The following SLC24A2 variants were observed in gnomAD, a reference collection of about 807,000 sequenced individuals.
The protein encoded by SLC24A2 is sodium/potassium/calcium exchanger 2.
A neutral mutation model predicts 62.0 loss-of-function variants in SLC24A2; 36 were observed. That is an observed-to-expected ratio of 0.58 (90% CI 0.44 to 0.77). The LOEUF is 0.77. SLC24A2 is among the 30% of genes least tolerant of loss of function. The pLI, the probability that SLC24A2 is intolerant of heterozygous loss-of-function variation, is 0.00. For synonymous variants in SLC24A2, 358 were observed against 294.0 expected (o/e 1.22, Z -2.23); for missense variants, 846 against 817.9 (o/e 1.03, Z -0.42).
the SLC24A2 span, among the ~76,000 whole-genome samples, chr9:20,135,307 A>T: frequency 2.1e-5 from 3 of 141,994 alleles, no homozygotes; most frequent in African/African-American, 8.1e-5. Context: ...ACAATTTAAA[A>T]TTTTAATTTT....
At chr9:19,908,145 C>G in the SLC24A2 span, among the ~76,000 whole-genome samples, 1 of 152,108 alleles carries the variant, frequency 6.6e-6, no homozygotes, top group Non-Finnish European at 1.5e-5. Flanking sequence ...AGATATAGAC[C>G]AATGGAGCAG....
intron 2 of SLC24A2, among the ~76,000 whole-genome samples, chr9:19,676,789 G>C (rs1819574039): frequency 6.6e-6 from 1 of 152,130 alleles, no homozygotes; most frequent in Non-Finnish European, 1.5e-5. Flanking sequence ...GCTTTGGAAA[G>C]AAACTATTTT....
At chr9:20,017,536 A>T in the SLC24A2 span, among the ~76,000 whole-genome samples, 1 of 152,172 alleles carries the variant, frequency 6.6e-6, no homozygotes, top group South Asian at 2.1e-4. Context: ...GTTTATTAGG[A>T]GAATTGACTC....
At chr9:20,272,972 T>C in the SLC24A2 span, among the ~76,000 whole-genome samples, 1 of 152,316 alleles carries the variant, frequency 6.6e-6, no homozygotes, top group East Asian at 1.9e-4. Context: ...TAGGATCCAT[T>C]TGGCCAAGCC....
the SLC24A2 span, among the ~76,000 whole-genome samples, chr9:19,962,933 T>C: frequency 1.3e-5 from 2 of 152,202 alleles, no homozygotes; most frequent in South Asian, 2.1e-4. Context: ...CCCTGTCTTG[T>C]GCCAGTTTTC....
the SLC24A2 span, among the ~76,000 whole-genome samples, chr9:19,837,653 G>C: frequency 4.6e-5 from 7 of 152,076 alleles, no homozygotes; most frequent in Admixed American, 3.9e-4. Flanking sequence ...TGACATAATT[G>C]TATATCTAGA....
intron 7 of SLC24A2, among the ~76,000 whole-genome samples, chr9:19,554,233 C>A (rs1027764737): frequency 5.3e-5 from 8 of 152,182 alleles, no homozygotes; most frequent in Admixed American, 1.3e-4. Flanking sequence ...AGGAAACCAA[C>A]CCTGCCAAAC....
At chr9:20,259,259 G>A in the SLC24A2 span, among the ~76,000 whole-genome samples, 2 of 152,166 alleles carry the variant, frequency 1.3e-5, no homozygotes, top group African/African-American at 2.4e-5. Context: ...TTCCAGAATT[G>A]TAAGATTAAA....
the SLC24A2 span, among the ~76,000 whole-genome samples, chr9:19,910,326 C>T: frequency 1.3e-5 from 2 of 152,100 alleles, no homozygotes; most frequent in Non-Finnish European, 2.9e-5. Context: ...AATTCCGCTT[C>T]TCTCCATCTC....
the SLC24A2 span, among the ~76,000 whole-genome samples, chr9:20,074,049 A>T: frequency 0.37 from 56,114 of 151,522 alleles, 10,707 homozygotes; most frequent in Middle Eastern, 0.49. Context: ...GAATTATGAA[A>T]AAAGCAAGAC....
intron 2 of SLC24A2, among the ~76,000 whole-genome samples, chr9:19,737,572 T>G (rs950551701): frequency 2.0e-5 from 3 of 152,158 alleles, no homozygotes; most frequent in African/African-American, 7.2e-5. Context: ...ATTTAAAAGG[T>G]TAAAAAATAA....
intron 10 of SLC24A2, among the ~76,000 whole-genome samples, chr9:19,519,582 C>T (rs1432531971): frequency 6.6e-6 from 1 of 152,106 alleles, no homozygotes; most frequent in East Asian, 1.9e-4. Flanking sequence ...TCCATCCATC[C>T]ATCCCACAAA....
intron 2 of SLC24A2, among the ~76,000 whole-genome samples, chr9:19,726,670 G>C (rs745669535): frequency 9.2e-5 from 14 of 152,074 alleles, no homozygotes; most frequent in Non-Finnish European, 7.3e-5. Flanking sequence ...TCCTCTACTT[G>C]TCATGCATAT....
the SLC24A2 span, among the ~76,000 whole-genome samples, chr9:19,937,689 TTTTG>T: frequency 1.1e-4 from 17 of 152,356 alleles, no homozygotes; most frequent in Admixed American, 5.9e-4. Flanking sequence ...GAGACAGATA[TTTTG>T]TTTATGATAT....
At chr9:20,222,800 C>T in the SLC24A2 span, among the ~76,000 whole-genome samples, 1 of 151,998 alleles carries the variant, frequency 6.6e-6, no homozygotes, top group Admixed American at 6.6e-5. Flanking sequence ...TCGCTGCCAA[C>T]TAGAATTATA....
intron 4 of SLC24A2, among the ~76,000 whole-genome samples, chr9:19,606,322 A>G (rs985551251): frequency 6.6e-6 from 1 of 152,244 alleles, no homozygotes; most frequent in Admixed American, 6.5e-5. Flanking sequence ...ACTCCTGCCA[A>G]TACTGGTTGT....
chr9:19,673,444 C>CAT lies in SLC24A2; in HGVS notation c.931-51146_931-51145insAT, dbSNP rs147522785. On this transcript the variant is annotated intron_variant, in intron 2 of 10. Coordinates refer to ENST00000341998, the MANE Select transcript of SLC24A2 (RefSeq NM_020344.4). Reference sequence around the variant, plus strand: ...GTTCTTGTGTGTGTATGTGTGTGTGCGTGTGTGTGTGTGTGTGTGTTTGAG... The same window carrying CAT: ...GTTCTTGTGTGTGTATGTGTGTGTGCATGTGTGTGTGTGTGTGTGTGTTTGAG... Among the ~76,000 whole-genome samples the CAT allele has an allele frequency of 2.3e-5, 3 of 129,794 alleles. 1 individual carries two copies. The highest frequency in any genetic ancestry group is 7.1e-5 in the African/African-American group (2 of 28,162). The allele number at this position is 129,794 out of a possible 152,430, so 85.1% of individuals were successfully genotyped here.
the SLC24A2 span, among the ~76,000 whole-genome samples, chr9:20,064,557 C>T: frequency 1.3e-5 from 2 of 152,196 alleles, no homozygotes; most frequent in African/African-American, 2.4e-5. Flanking sequence ...GTTATTTACA[C>T]AGGCTACTGT....
the SLC24A2 span, among the ~76,000 whole-genome samples, chr9:19,908,410 A>G: frequency 6.6e-6 from 1 of 152,184 alleles, no homozygotes; most frequent in Non-Finnish European, 1.5e-5. Flanking sequence ...AATACCATTC[A>G]GGACATAGGC....
Sources: allele counts gnomAD v4.1 joint callset (sites outside exome capture counted in the v4.1 genomes callset), GRCh38; gene constraint gnomAD v4.1.1; transcripts MANE v1.5; gene names NCBI Gene and HGNC (gene_info 2026-07-23, HGNC 2026-07-21).